The following CAMTA1 variants were observed in gnomAD, a reference collection of about 807,000 sequenced individuals.
The protein encoded by CAMTA1 is calmodulin binding transcription activator 1, also known as calmodulin-binding transcription activator 1.
CAMTA1 carries 27 observed loss-of-function variants against 170.9 expected under a neutral mutation model. The ratio of observed to expected loss-of-function variants is 0.16; its 90% CI spans 0.12 to 0.22. The LOEUF is 0.22. Ranked by LOEUF, CAMTA1 falls within the 10% of genes least tolerant of loss-of-function variation. The probability of loss-of-function intolerance (pLI) is 1.00; values close to 1 mark genes in which losing one functional copy is unlikely to be tolerated. For missense variants in CAMTA1, 1,619 were observed against 2,217.2 expected (o/e 0.73, Z 5.42); for synonymous variants, 833 against 891.5 (o/e 0.93, Z 1.17).
intron 3 of CAMTA1, among the ~76,000 whole-genome samples, chr1:6,881,995 T>A (rs1671769239): frequency 6.6e-6 from 1 of 151,952 alleles, no homozygotes; most frequent in African/African-American, 2.4e-5. Context: ...TAAAATAAAA[T>A]AATCACTCTG....
chr1:7,409,184 A>ACC (rs1215630650), intron 5 of CAMTA1, among the ~76,000 whole-genome samples: 1 of 152,222 alleles, frequency 6.6e-6, no homozygotes, highest in Admixed American at 6.5e-5. Context: ...TACTCAGGGC[A>ACC]TGCAGGCTGG....
intron 3 of CAMTA1, among the ~76,000 whole-genome samples, chr1:7,060,586 G>A (rs1357869751): frequency 6.6e-6 from 1 of 152,214 alleles, no homozygotes; most frequent in Non-Finnish European, 1.5e-5. Flanking sequence ...TCCCCTTAGG[G>A]TGGTTGCTTT....
At chr1:7,639,773 G>GA (rs34262081) in intron 6 of CAMTA1, among the ~76,000 whole-genome samples, 124 of 142,134 alleles carry the variant, frequency 8.7e-4, no homozygotes, top group East Asian at 2.9e-3. Context: ...TCTGTCTAAA[G>GA]AAAAAAAAAA....
At chr1:7,401,225 G>A (rs559905964) in intron 5 of CAMTA1, among the ~76,000 whole-genome samples, 29 of 152,254 alleles carry the variant, frequency 1.9e-4, no homozygotes, top group African/African-American at 6.7e-4. Context: ...TCTTTTTAAT[G>A]TATGGGTATA....
At chr1:7,587,109 G>C (rs186275587) in intron 6 of CAMTA1, among the ~76,000 whole-genome samples, 5 of 151,822 alleles carry the variant, frequency 3.3e-5, no homozygotes, top group African/African-American at 1.2e-4. Flanking sequence ...CTATCTGTCT[G>C]TCTGCACGCC....
intron 3 of CAMTA1, among the ~76,000 whole-genome samples, chr1:7,042,892 C>G (rs1465351650): frequency 6.6e-6 from 1 of 152,232 alleles, no homozygotes; most frequent in East Asian, 1.9e-4. Context: ...ATATCTGATT[C>G]TTGACCACCA....
chr1:7,746,718 A>G (rs1340591654), intron 18 of CAMTA1, among the ~76,000 whole-genome samples: 2 of 152,098 alleles, frequency 1.3e-5, no homozygotes, highest in African/African-American at 2.4e-5. Context: ...GCTCACTGCA[A>G]CCTCCACCTC....
intron 6 of CAMTA1, among the ~76,000 whole-genome samples, chr1:7,555,501 A>G (rs1225243660): frequency 2.6e-5 from 4 of 151,948 alleles, no homozygotes; most frequent in African/African-American, 9.7e-5. Context: ...GCCCTCCCCA[A>G]AGCCACTCTC....
chr1:6,966,396 A>G (rs1165128733), intron 3 of CAMTA1, among the ~76,000 whole-genome samples: 1 of 151,238 alleles, frequency 6.6e-6, no homozygotes, highest in African/African-American at 2.4e-5. Flanking sequence ...GTCTCTATTG[A>G]TTTGCTGCCT....
At position 7,456,438 on chromosome 1, in the gene CAMTA1, A is replaced by G. The variant is rs1206812025; in HGVS notation, c.439-11392A>G. 6.6e-6 allele frequency among the ~76,000 whole-genome samples: 1 copy of G among 152,236 alleles called. No homozygotes were observed. The highest frequency in any genetic ancestry group is 1.5e-5 in the Non-Finnish European group (1 of 68,042). On this transcript the variant is annotated intron_variant, in intron 5 of 22. Transcript: ENST00000303635. The surrounding 1 kb of genome is among the most constrained non-coding windows in gnomAD (Gnocchi z 4.9). ...AGAGAGGGAATTTCACTTTATTTAT[A>G]TATTATTTATGCCCAGTACTTTTAG...
chr1:7,007,896 A>G lies in CAMTA1; in HGVS notation c.235-83408A>G, dbSNP rs1002914587. ...CTGTATCCACCTACAAAGCCCCTAG[A>G]GCTTGTGAGACCCGGGAAACAGCGT... On this transcript the variant is annotated intron_variant, in intron 3 of 22. Transcript: ENST00000303635. The surrounding 1 kb of genome is among the most constrained non-coding windows in gnomAD (Gnocchi z 4.5). 6.6e-6 allele frequency among the ~76,000 whole-genome samples: 1 copy of G among 152,084 alleles called. No homozygotes were observed. The highest frequency in any genetic ancestry group is 2.4e-5 in the African/African-American group (1 of 41,416).
chr1:7,529,252 C>G (rs1336968079), intron 6 of CAMTA1, among the ~76,000 whole-genome samples: 1 of 152,112 alleles, frequency 6.6e-6, no homozygotes, highest in Non-Finnish European at 1.5e-5. Context: ...ATGGGGCAGG[C>G]TTGCTCAAGG....
chr1:7,048,038 T>C (rs1705690476), intron 3 of CAMTA1, among the ~76,000 whole-genome samples: 2 of 152,152 alleles, frequency 1.3e-5, no homozygotes, highest in South Asian at 2.1e-4. Flanking sequence ...GGCTGAGTCA[T>C]TCTGAGAGCA....
intron 5 of CAMTA1, among the ~76,000 whole-genome samples, chr1:7,260,852 A>T (rs1226443670): frequency 2.0e-4 from 30 of 152,238 alleles, no homozygotes; most frequent in Non-Finnish European, 2.9e-5. Context: ...CCTACAGTTT[A>T]TGATGGATGC....
intron 3 of CAMTA1, among the ~76,000 whole-genome samples, chr1:7,075,424 A>G (rs1639162745): frequency 6.6e-6 from 1 of 152,178 alleles, no homozygotes; most frequent in Non-Finnish European, 1.5e-5. Context: ...TTAAAACAAT[A>G]CCAATTTCCA....
chr1:7,104,024 ACACTACAT>A (rs956974275), intron 4 of CAMTA1, among the ~76,000 whole-genome samples: 3 of 128,582 alleles, frequency 2.3e-5, no homozygotes, highest in African/African-American at 9.5e-5. Context: ...ACACATGTAC[ACACTACAT>A]ATGCATACAA....
At chr1:7,517,977 A>T (rs1415081587) in intron 6 of CAMTA1, among the ~76,000 whole-genome samples, 1 of 151,962 alleles carries the variant, frequency 6.6e-6, no homozygotes, top group Non-Finnish European at 1.5e-5. Context: ...TGACTGAACC[A>T]TCAGAAACTC....
At chr1:7,358,734 T>A (rs548916853) in intron 5 of CAMTA1, among the ~76,000 whole-genome samples, 1 of 152,320 alleles carries the variant, frequency 6.6e-6, no homozygotes, top group Admixed American at 6.5e-5. Context: ...GCCACCCTCA[T>A]GTGACTTGAT....
At chr1:6,876,455 T>C (rs1669917287) in intron 3 of CAMTA1, among the ~76,000 whole-genome samples, 1 of 152,048 alleles carries the variant, frequency 6.6e-6, no homozygotes, top group African/African-American at 2.4e-5. Context: ...CTCCGCCTTC[T>C]GGGTTCTACC....
Sources: allele counts gnomAD v4.1 joint callset (sites outside exome capture counted in the v4.1 genomes callset), GRCh38; gene constraint gnomAD v4.1.1; non-coding constraint Gnocchi (gnomAD v3.1); transcripts MANE v1.5; gene names NCBI Gene and HGNC (gene_info 2026-07-23, HGNC 2026-07-21).